Variants in GABPA observed in about 807,000 individuals in gnomAD.
The protein encoded by GABPA is GA binding protein transcription factor subunit alpha.
GABPA carries 4 observed loss-of-function variants against 59.4 expected under a neutral mutation model. The ratio of observed to expected loss-of-function variants is 0.07; its 90% CI spans 0.03 to 0.15. The LOEUF is 0.15. GABPA is among the 10% of genes least tolerant of loss of function. GABPA has a pLI of 1.00. For synonymous variants in GABPA, 164 were observed against 183.1 expected (o/e 0.90, Z 0.84); for missense variants, 251 against 543.8 (o/e 0.46, Z 5.36).
At position 25,735,131 on chromosome 21, in the gene GABPA, C is replaced by G; in HGVS notation, c.-474C>G. ...CATCTTTTCTTCGCCTAATTTGACC[C>G]GTTCTTTTTCCCCTCCTTGAAACCT... On this transcript the variant is annotated 5_prime_UTR_variant, in exon 1 of 10. Transcript: ENST00000400075. The G allele has an allele frequency of 2.9e-6, 2 of 690,462 alleles. No individual in the cohort carries two copies. The highest frequency in any genetic ancestry group is 2.2e-5 in the Admixed American group (1 of 45,878). The allele number at this position is 690,462 out of a possible 1,614,324, so 42.8% of individuals were successfully genotyped here.
intron 1 of GABPA, among the ~76,000 whole-genome samples, chr21:25,739,646 C>A (rs181661445): frequency 7.6e-4 from 116 of 152,286 alleles, no homozygotes; most frequent in Non-Finnish European, 1.4e-3. Flanking sequence ...GAGATAGGGT[C>A]TCGCTGTTGC....
In GABPA at chr21:25,772,394, G is replaced by A. The variant is rs1464170254; in HGVS notation, c.*3162G>A. ...TAAAACAGTTATTTTCTATTTTTAC[G>A]CAGATAAATATTTGTGCATAAAATG... On this transcript the variant is annotated 3_prime_UTR_variant, in exon 10 of 10. Transcript: ENST00000400075. 7 of 151,426 alleles carry A rather than the reference G, an allele frequency of 4.6e-5. No homozygotes were observed. Among genetic ancestry groups the A allele is most frequent in the South Asian group, 2.1e-4 (1 of 4,810 alleles). The allele number at this position is 151,426 out of a possible 1,614,324, so 9.4% of individuals were successfully genotyped here. A position where few individuals can be genotyped will look rare whatever the true frequency, so the allele number is the denominator to read the frequency against.
At chr21:25,752,440 T>TA in intron 5 of GABPA, 1 of 574,988 alleles carries the variant, frequency 1.7e-6, no homozygotes, top group Non-Finnish European at 3.0e-6. Context: ...CAAAGAAGTC[T>TA]AAAAAATTTC....
chr21:25,759,077 AAG>A (rs370980448), intron 6 of GABPA, among the ~76,000 whole-genome samples: 107 of 152,190 alleles, frequency 7.0e-4, no homozygotes, highest in African/African-American at 2.5e-3. Context: ...TTGGAAAAAA[AAG>A]AGAGAGAGAA....
chr21:25,753,655 A>T (rs541299163), intron 5 of GABPA, among the ~76,000 whole-genome samples: 5 of 152,198 alleles, frequency 3.3e-5, no homozygotes, highest in Non-Finnish European at 5.9e-5. Context: ...GACAGAAGTA[A>T]CTAGAGTTGG....
rs748989957 is a variant in GABPA at position 25,734,977 on chromosome 21, G to A, written c.-628G>A. 8 of 1,562,534 alleles carry A rather than the reference G, an allele frequency of 5.1e-6. No individual in the cohort carries two copies. The highest frequency in any genetic ancestry group is 6.1e-6 in the Non-Finnish European group (7 of 1,155,904). On this transcript the variant is annotated 5_prime_UTR_variant, in exon 1 of 10. Coordinates refer to ENST00000400075, the MANE Select transcript of GABPA (RefSeq NM_002040.4). The stretch of plus-strand genomic sequence containing the variant: ...GCATTATGGGCCGCCGTTTCAGTCG[G>A]TCGACGCTCACCGGACAGGAAGCGT...
At position 25,764,271 on chromosome 21, in the gene GABPA, T is replaced by C. The variant is rs886953905; in HGVS notation, c.864T>C (p.Asn288=). The C allele has an allele frequency of 2.7e-5, 43 of 1,612,094 alleles. No individual in the cohort carries two copies. The highest frequency in any genetic ancestry group is 4.5e-5 in the East Asian group (2 of 44,850). ...SATPTTIKVI[N]SSAKAAKVQR... Reference sequence around the variant, plus strand: ...CACCTACTACCATTAAAGTTATAAATAGTAGTGCGAAAGCAGCCAAAGTAC... The same window carrying C: ...CACCTACTACCATTAAAGTTATAAACAGTAGTGCGAAAGCAGCCAAAGTAC... The change falls in exon 8 of 10, where the codon AAT becomes AAC. Residue 288 remains asparagine, a synonymous_variant. Transcript: ENST00000400075.
At position 25,757,476 on chromosome 21, in the gene GABPA, G is replaced by A. The variant is rs548292928; in HGVS notation, c.554-534G>A. ...TAGTGTGTTGTGAGGGGACAGCTGA[G>A]TAAAACAGGCAATTACCATGTTTAT... On this transcript the variant is annotated intron_variant, in intron 5 of 9. Transcript: ENST00000400075. Among the ~76,000 whole-genome samples the A allele has an allele frequency of 5.6e-4, 85 of 152,264 alleles. No individual in the cohort carries two copies. In the South Asian group the frequency reaches 0.011, roughly 20 times the overall value.
intron 1 of GABPA, among the ~76,000 whole-genome samples, chr21:25,736,939 G>T (rs993433178): frequency 6.6e-6 from 1 of 152,040 alleles, no homozygotes; most frequent in East Asian, 1.9e-4. Context: ...AGTTAATCTC[G>T]CAGGTACCCC....
chr21:25,760,687 G>A (rs965882609), intron 6 of GABPA, among the ~76,000 whole-genome samples: 1 of 152,046 alleles, frequency 6.6e-6, no homozygotes. Context: ...AAAAATAATT[G>A]TTTTATTCCT....
chr21:25,759,159 C>T (rs1333588342), intron 6 of GABPA, among the ~76,000 whole-genome samples: 1 of 152,146 alleles, frequency 6.6e-6, no homozygotes, highest in Non-Finnish European at 1.5e-5. Flanking sequence ...GAATTTTAAT[C>T]CATCTTATAT....
rs78772918 is a variant in GABPA at position 25,757,201 on chromosome 21, C to G, written c.554-809C>G. On this transcript the variant is annotated intron_variant, in intron 5 of 9. Transcript: ENST00000400075. ...TCTTCTTAAAGTGGGAGTACCAGAA[C>G]CAAAACTAATTTAGCTAATATGTAT... is the stretch of plus-strand genomic sequence containing the variant. Among the ~76,000 whole-genome samples, 38 of 152,150 alleles carry G rather than the reference C, an allele frequency of 2.5e-4. No individual in the cohort carries two copies. In the East Asian group the frequency reaches 5.4e-3, roughly 22 times the overall value.
At chr21:25,755,917 C>T (rs763344106) in intron 5 of GABPA, among the ~76,000 whole-genome samples, 26 of 152,198 alleles carry the variant, frequency 1.7e-4, no homozygotes, top group Non-Finnish European at 2.9e-4. Context: ...TGGCATCCTC[C>T]TTGGCAAACA....
At chr21:25,760,163 C>T (rs1178488109) in intron 6 of GABPA, among the ~76,000 whole-genome samples, 5 of 152,166 alleles carry the variant, frequency 3.3e-5, no homozygotes, top group Admixed American at 3.3e-4. Context: ...CTTCACTCTG[C>T]CGGGGTAGGG....
chr21:25,737,128 T>C (rs2035092124), intron 1 of GABPA, among the ~76,000 whole-genome samples: 1 of 152,218 alleles, frequency 6.6e-6, no homozygotes, highest in Admixed American at 6.5e-5. Context: ...TTAGTTTGTA[T>C]CCCATCTTGT....
Position 25,771,544 on chromosome 21 carries a change from A to G in GABPA, c.*2312A>G, listed in dbSNP as rs2036010135. ...CATTACTTTGCCTCAAATTATATGT[A>G]AAATATTTGTTTTACTTAGGTTACA... On this transcript the variant is annotated 3_prime_UTR_variant, in exon 10 of 10. Transcript: ENST00000400075. The G allele has an allele frequency of 6.6e-6, 1 of 151,934 alleles. No homozygotes were observed. The highest frequency in any genetic ancestry group is 1.5e-5 in the Non-Finnish European group (1 of 67,854). The allele number at this position is 151,934 out of a possible 1,614,324, so 9.4% of individuals were successfully genotyped here.
In GABPA at chr21:25,771,585, GT is replaced by G. The variant is rs563386312; in HGVS notation, c.*2360del. 1.2e-3 allele frequency: 188 copies of G among 151,764 alleles called. 1 individual carries two copies. Among genetic ancestry groups the G allele is most frequent in the African/African-American group, 4.3e-3 (178 of 41,460 alleles). 9.4% of individuals were successfully genotyped at this position (151,764 alleles called of 1,614,324 possible). On this transcript the variant is annotated 3_prime_UTR_variant, in exon 10 of 10. Coordinates refer to ENST00000400075, the MANE Select transcript of GABPA (RefSeq NM_002040.4). ...TTAGGTTACAGTTATCAGAAAGGTA[GT>G]TTTTTTCTTCTATTAAAATATAACA...
intron 5 of GABPA, among the ~76,000 whole-genome samples, chr21:25,755,191 A>G (rs1470050919): frequency 2.0e-5 from 3 of 149,714 alleles, no homozygotes; most frequent in African/African-American, 7.3e-5. Flanking sequence ...GCTCATGCCT[A>G]TAATCCCAGC....
At chr21:25,737,697 A>G (rs1271001757) in intron 1 of GABPA, among the ~76,000 whole-genome samples, 1 of 152,046 alleles carries the variant, frequency 6.6e-6, no homozygotes, top group Admixed American at 6.5e-5. Flanking sequence ...TTTTTTTTCT[A>G]TCTTGCCAAA....
Sources: allele counts gnomAD v4.1 joint callset (sites outside exome capture counted in the v4.1 genomes callset), GRCh38; gene constraint gnomAD v4.1.1; transcripts MANE v1.5; gene names NCBI Gene and HGNC (gene_info 2026-07-23, HGNC 2026-07-21).